ZNF713: variants seen among roughly 807,000 people sequenced by gnomAD.
ZNF713 encodes zinc finger protein 713.
Under a neutral mutation model 28.7 loss-of-function variants are expected in ZNF713, and 21 were observed. The observed-to-expected ratio is 0.73, with a 90% confidence interval of 0.52 to 1.05. The LOEUF (loss-of-function observed/expected upper bound fraction) is 1.05, where lower values mean the gene tolerates loss of function less well. Ranked by LOEUF, ZNF713 falls within the 50% of genes least tolerant of loss-of-function variation. The pLI, the probability that ZNF713 is intolerant of heterozygous loss-of-function variation, is 0.00. For missense variants in ZNF713, 458 were observed against 532.4 expected, an observed-to-expected ratio of 0.86 and a Z score of 1.37; for synonymous variants, 167 against 178.0, an observed-to-expected ratio of 0.94 and a Z score of 0.49.
chr7:55,892,153 G>A (rs373463320), intron 1 of ZNF713, among the ~76,000 whole-genome samples: 10 of 151,930 alleles, frequency 6.6e-5, no homozygotes, highest in Middle Eastern at 3.4e-3. Context: ...GGTGGCGGGC[G>A]CCTGTAGTCC....
chr7:55,932,954 C>G (rs1364768148), intron 6 of ZNF713, among the ~76,000 whole-genome samples: 3 of 140,562 alleles, frequency 2.1e-5, no homozygotes, highest in Non-Finnish European at 4.6e-5. Context: ...TACTTTGGTA[C>G]TGACTGGGTG....
intron 1 of ZNF713, among the ~76,000 whole-genome samples, chr7:55,905,248 T>A (rs944552634): frequency 1.3e-5 from 2 of 152,160 alleles, no homozygotes; most frequent in Admixed American, 1.3e-4. Flanking sequence ...CAAAATCACT[T>A]GTGGGGCATT....
chr7:55,939,613 T>G lies in ZNF713; in HGVS notation c.939T>G (p.Pro313=). Residue 313 remains proline, a synonymous_variant, in exon 7 of 7, where the codon CCT becomes CCG. Transcript: ENST00000429591. ...QHQRIHTGEK[P]FICNGCGKAF... ...AGAGAATTCACACAGGAGAAAAGCC[T>G]TTTATATGCAATGGATGTGGGAAAG... The G allele has an allele frequency of 6.2e-7, 1 of 1,614,162 alleles. No individual in the cohort carries two copies. Among genetic ancestry groups the G allele is most frequent in the Non-Finnish European group, 8.5e-7 (1 of 1,180,024 alleles).
At chr7:55,937,969 T>G (rs1786386669) in intron 6 of ZNF713, among the ~76,000 whole-genome samples, 1 of 151,782 alleles carries the variant, frequency 6.6e-6, no homozygotes, top group Non-Finnish European at 1.5e-5. Context: ...TTTGGGAGGC[T>G]GAGGCAATCA....
chr7:55,930,206 T>A (rs1786183445), intron 6 of ZNF713, among the ~76,000 whole-genome samples: 1 of 152,072 alleles, frequency 6.6e-6, no homozygotes, highest in African/African-American at 2.4e-5. Flanking sequence ...TATGAAAAAA[T>A]GTTCAATCTC....
chr7:55,894,476 A>G (rs1785439526), intron 1 of ZNF713, among the ~76,000 whole-genome samples: 1 of 152,272 alleles, frequency 6.6e-6, no homozygotes, highest in African/African-American at 2.4e-5. Context: ...TCTGTCCCAT[A>G]TATCTAAGAA....
At chr7:55,932,231 T>TC (rs1391772308) in intron 6 of ZNF713, among the ~76,000 whole-genome samples, 1 of 152,150 alleles carries the variant, frequency 6.6e-6, no homozygotes, top group Non-Finnish European at 1.5e-5. Flanking sequence ...CTTTTTTTTT[T>TC]CTCTTAAAAA....
chr7:55,902,497 T>C (rs958420559), intron 1 of ZNF713, among the ~76,000 whole-genome samples: 1 of 152,208 alleles, frequency 6.6e-6, no homozygotes, highest in Non-Finnish European at 1.5e-5. Flanking sequence ...ATCTTAACTA[T>C]TGTAAAGACG....
intron 1 of ZNF713, among the ~76,000 whole-genome samples, chr7:55,892,555 C>CGAAAAA (rs574054003): frequency 1.3e-5 from 1 of 74,364 alleles, no homozygotes; most frequent in Non-Finnish European, 2.3e-5. Flanking sequence ...AAGCACTGAC[C>CGAAAAA]AAAAAAAAAA....
intron 2 of ZNF713, among the ~76,000 whole-genome samples, chr7:55,911,012 C>CTATT (rs1785773520): frequency 6.6e-6 from 1 of 152,206 alleles, no homozygotes. Flanking sequence ...AATGAAGAAC[C>CTATT]TATTTCTTAA....
At chr7:55,904,089 T>C (rs551658332) in intron 1 of ZNF713, among the ~76,000 whole-genome samples, 1 of 46,912 alleles carries the variant, frequency 2.1e-5, no homozygotes, top group Non-Finnish European at 5.3e-5. Context: ...AGAGACTAGA[T>C]CACAGCTCCC....
chr7:55,908,114 T>C, intron 2 of ZNF713, among the ~76,000 whole-genome samples: 1 of 150,356 alleles, frequency 6.7e-6, no homozygotes, highest in Admixed American at 6.7e-5. Flanking sequence ...CTTCTCTCCA[T>C]CCTCACCAAC....
intron 6 of ZNF713, among the ~76,000 whole-genome samples, chr7:55,936,094 G>A (rs1043756517): frequency 6.6e-6 from 1 of 151,648 alleles, no homozygotes; most frequent in African/African-American, 2.4e-5. Context: ...GTGAAACCCC[G>A]TCTCTACTAA....
At position 55,887,862 on chromosome 7, in the gene ZNF713, GGGCGGC is replaced by G. The variant is rs1228586478; in HGVS notation, c.-583+203_-583+208del. On this transcript the variant is annotated intron_variant, in intron 1 of 6. Coordinates refer to ENST00000429591, the MANE Select transcript of ZNF713 (RefSeq NM_182633.3). ...GCGGGCGGCGGCGGCGGCGGGCGGC[GGGCGGC>G]GGCGGCGGCGGCGGCGGCGGGCGGC... 4.5e-4 allele frequency among the ~76,000 whole-genome samples: 6 copies of G among 13,410 alleles called. 1 individual carries two copies. The highest frequency in any genetic ancestry group is 4.1e-3 in the East Asian group (1 of 244). 8.8% of individuals were successfully genotyped at this position (13,410 alleles called of 152,430 possible).
At position 55,939,177 on chromosome 7, in the gene ZNF713, C is replaced by A; in HGVS notation, c.503C>A (p.Thr168Asn). 1 of 1,613,918 alleles carries A rather than the reference C, an allele frequency of 6.2e-7. No individual in the cohort carries two copies. The highest frequency in any genetic ancestry group is 8.5e-7 in the Non-Finnish European group (1 of 1,179,952). ...ENHKRYLGQV[T>N]LTHKKITQER... is the part of the protein sequence containing the mutation. ...CACAAGAGATATTTAGGACAAGTAACTTTGACCCACAAAAAGATCACACAG... is the reference window on the plus strand; with the variant it reads ...CACAAGAGATATTTAGGACAAGTAAATTTGACCCACAAAAAGATCACACAG... The change falls in exon 7 of 7, where the codon ACT becomes AAT. Residue 168 changes from threonine to asparagine, a missense_variant. Physicochemically the swap from Thr to Asn is moderately conservative, Grantham distance 65 (BLOSUM62 0). Coordinates refer to ENST00000429591, the MANE Select transcript of ZNF713 (RefSeq NM_182633.3).
intron 4 of ZNF713, chr7:55,918,279 G>A: frequency 3.8e-6 from 1 of 264,116 alleles, no homozygotes; most frequent in Non-Finnish European, 7.9e-6. Context: ...CTGAAAGCCA[G>A]TACCAATTTG....
At chr7:55,908,448 G>A (rs533369985) in intron 2 of ZNF713, among the ~76,000 whole-genome samples, 11 of 152,198 alleles carry the variant, frequency 7.2e-5, no homozygotes, top group Admixed American at 2.0e-4. Context: ...GCCAACATCC[G>A]TTGTTTTTTG....
chr7:55,918,741 G>A (rs1021340738), intron 4 of ZNF713, among the ~76,000 whole-genome samples: 2 of 152,182 alleles, frequency 1.3e-5, no homozygotes, highest in African/African-American at 4.8e-5. Flanking sequence ...GCTAATGCCT[G>A]TAATCCCAGC....
At chr7:55,930,006 A>G (rs1786179620) in intron 6 of ZNF713, among the ~76,000 whole-genome samples, 1 of 152,170 alleles carries the variant, frequency 6.6e-6, no homozygotes, top group African/African-American at 2.4e-5. Flanking sequence ...TCATCCATGA[A>G]TATTATAAAA....
Sources: gnomAD v4.1 joint callset for allele counts (sites outside exome capture counted in the v4.1 genomes callset) on GRCh38, gnomAD v4.1.1 for gene constraint, MANE v1.5 for transcripts, NCBI Gene and HGNC (gene_info 2026-07-23, HGNC 2026-07-21) for gene names.